USP32: variants seen among roughly 807,000 people sequenced by gnomAD.
USP32 encodes ubiquitin specific peptidase 32.
Under a neutral mutation model 204.8 loss-of-function variants are expected in USP32, and 59 were observed. The ratio of observed to expected loss-of-function variants is 0.29; its 90% confidence interval spans 0.23 to 0.36. The LOEUF is 0.36. USP32 is among the 10% of genes least tolerant of loss of function. The pLI is 1.00. For missense variants in USP32, 1,160 were observed against 1,946.4 expected, an observed-to-expected ratio of 0.60 and a Z score of 7.60; for synonymous variants, 517 against 678.4, an observed-to-expected ratio of 0.76 and a Z score of 3.70.
chr17:60,356,119 T>A (rs968230479), intron 1 of USP32, among the ~76,000 whole-genome samples: 5 of 152,286 alleles, frequency 3.3e-5, no homozygotes, highest in Admixed American at 1.3e-4. Context: ...TTCTCAAGCT[T>A]TGTCTTTATT....
At chr17:60,345,659 G>A (rs1269235569) in intron 1 of USP32, 51 bp from the exon 2 acceptor site, 3 of 1,610,666 alleles carry the variant, frequency 1.9e-6, no homozygotes, top group African/African-American at 1.3e-5. Context: ...GAAAAGAGGT[G>A]TCTCATAATT....
intron 4 of USP32, among the ~76,000 whole-genome samples, chr17:60,292,411 C>A (rs1460651595): frequency 6.6e-6 from 1 of 152,158 alleles, no homozygotes; most frequent in Non-Finnish European, 1.5e-5. Flanking sequence ...TAATAGGATT[C>A]TCAAGTGTAA....
chr17:60,280,586 A>G (rs1269048777), intron 5 of USP32, among the ~76,000 whole-genome samples: 3 of 152,238 alleles, frequency 2.0e-5, no homozygotes, highest in Non-Finnish European at 4.4e-5. Flanking sequence ...TTAACATGTT[A>G]TTTAGAAGTT....
chr17:60,246,166 C>G (rs1409074510), intron 11 of USP32, among the ~76,000 whole-genome samples: 1 of 151,902 alleles, frequency 6.6e-6, no homozygotes, highest in Non-Finnish European at 1.5e-5. Flanking sequence ...AACCTCTCTT[C>G]AATATTATCC....
At chr17:60,198,173 C>T in intron 27 of USP32, 87 bp downstream of exon 27, 6 of 1,509,080 alleles carry the variant, frequency 4.0e-6, no homozygotes, top group Non-Finnish European at 5.4e-6. Flanking sequence ...TTGACATAGG[C>T]TGGGTCCTAT....
chr17:60,259,771 G>C (rs2086408501), intron 9 of USP32, among the ~76,000 whole-genome samples: 1 of 152,156 alleles, frequency 6.6e-6, no homozygotes, highest in Admixed American at 6.5e-5. Flanking sequence ...GACTGCTGCT[G>C]TCACTCACTA....
intron 1 of USP32, among the ~76,000 whole-genome samples, chr17:60,374,109 G>A (rs997659520): frequency 6.6e-6 from 1 of 151,912 alleles, no homozygotes; most frequent in African/African-American, 2.4e-5. Context: ...GCTTGAACCA[G>A]GGAGGCGGAG....
At chr17:60,183,079 C>G in intron 31 of USP32, 86 bp downstream of exon 31, 1 of 1,490,372 alleles carries the variant, frequency 6.7e-7, no homozygotes, top group Non-Finnish European at 8.9e-7. Flanking sequence ...CCCAACCAAC[C>G]TGATGTTCCA....
intron 5 of USP32, among the ~76,000 whole-genome samples, chr17:60,284,214 CTTTTTTTTT>C (rs1181309647): frequency 7.6e-6 from 1 of 132,168 alleles, no homozygotes; most frequent in South Asian, 2.3e-4. Context: ...TTTTTCTTTT[CTTTTTTTTT>C]TTTTTTTTGA....
chr17:60,184,651 G>T (rs2084202067), intron 30 of USP32, among the ~76,000 whole-genome samples: 2 of 151,658 alleles, frequency 1.3e-5, no homozygotes, highest in Non-Finnish European at 2.9e-5. Flanking sequence ...TCTACTAAAA[G>T]TACAAAAATT....
intron 1 of USP32, among the ~76,000 whole-genome samples, chr17:60,373,327 T>C (rs1036354814): frequency 6.6e-6 from 1 of 152,184 alleles, no homozygotes; most frequent in Admixed American, 6.5e-5. Flanking sequence ...GTTGAAGTCC[T>C]AGCCCTAGGA....
At chr17:60,183,132 A>G (rs1404723770) in intron 31 of USP32, 33 bp downstream of exon 31, 1 of 1,559,692 alleles carries the variant, frequency 6.4e-7, no homozygotes, top group Non-Finnish European at 8.7e-7. Context: ...AGGAGTCCCA[A>G]GAAAGCACCT....
rs2088502713 is a variant in USP32, at chr17:60,335,831, AT to A, written c.186+9649del. Among the ~76,000 whole-genome samples the A allele has an allele frequency of 1.4e-5, 2 of 143,136 alleles. 1 individual carries two copies. Among genetic ancestry groups the A allele is most frequent in the South Asian group, 4.3e-4 (2 of 4,698 alleles). The allele number at this position is 143,136 out of a possible 152,430, so 93.9% of individuals were successfully genotyped here. ...TACACAGATCTTGTTGTTGCATTGA[AT>A]TTTGCAACATGTATAACCAAATTCT... On this transcript the variant is annotated intron_variant, in intron 2 of 33. Coordinates refer to ENST00000300896, the MANE Select transcript of USP32 (RefSeq NM_032582.4).
At chr17:60,408,619 C>T (rs890115508) in intron 1 of USP32, among the ~76,000 whole-genome samples, 27 of 152,088 alleles carry the variant, frequency 1.8e-4, no homozygotes. Flanking sequence ...CTCAAATGAT[C>T]TGCCCACCTC....
At chr17:60,271,903 C>T (rs1371330017) in intron 5 of USP32, among the ~76,000 whole-genome samples, 1 of 151,746 alleles carries the variant, frequency 6.6e-6, no homozygotes, top group Non-Finnish European at 1.5e-5. Flanking sequence ...CCTCAAATTC[C>T]TGGGCTCAAG....
intron 11 of USP32, among the ~76,000 whole-genome samples, chr17:60,239,610 A>C (rs1237157470): frequency 1.3e-5 from 2 of 152,022 alleles, no homozygotes; most frequent in Non-Finnish European, 2.9e-5. Flanking sequence ...CCCCTCTAAT[A>C]GATTTCTCAT....
At position 60,271,391 on chromosome 17, in the gene USP32, C is replaced by T. The variant is rs1462967058; in HGVS notation, c.662G>A (p.Gly221Asp). The change falls in exon 6 of 34, where the codon GGC becomes GAC. Residue 221 changes from glycine (G) to aspartate (D), a missense_variant. Coordinates refer to ENST00000300896, the MANE Select transcript of USP32 (RefSeq NM_032582.4). Reference protein sequence around the residue: ...RTGRFDLETFGPLVSPPIRPS... With the variant: ...RTGRFDLETFDPLVSPPIRPS... ...ACGAATAGGTGGTGAAACCAATGGG[C>T]CAAATGTCTCTAAATCAAATCGTCC... 6.2e-7 allele frequency: 1 copy of T among 1,613,980 alleles called. No homozygotes were observed. The highest frequency in any genetic ancestry group is 8.5e-7 in the Non-Finnish European group (1 of 1,180,012).
chr17:60,372,387 C>T (rs2089458090), intron 1 of USP32, among the ~76,000 whole-genome samples: 1 of 152,162 alleles, frequency 6.6e-6, no homozygotes, highest in Admixed American at 6.5e-5. Context: ...TAGACTACTA[C>T]ACACCTAGGC....
chr17:60,235,889 G>C (rs1317662202), intron 12 of USP32, among the ~76,000 whole-genome samples: 1 of 152,148 alleles, frequency 6.6e-6, no homozygotes, highest in Non-Finnish European at 1.5e-5. Flanking sequence ...GACATATGCA[G>C]GTACCCCCGT....
Sources: gnomAD v4.1 joint callset for allele counts (sites outside exome capture counted in the v4.1 genomes callset) on GRCh38, gnomAD v4.1.1 for gene constraint, MANE v1.5 for transcripts, NCBI Gene and HGNC (gene_info 2026-07-23, HGNC 2026-07-21) for gene names.